CLINT1: variants seen among roughly 807,000 people sequenced by gnomAD.
CLINT1 encodes the protein clathrin interacting protein localized in the trans-Golgi region.
In CLINT1, 15 loss-of-function variants were observed where a neutral mutation model predicts 70.4. The observed-to-expected ratio is 0.21, with a 90% CI of 0.14 to 0.33. CLINT1 has a LOEUF of 0.33. CLINT1 is among the 10% of genes least tolerant of loss of function. The pLI is 1.00. For missense variants in CLINT1, 615 were observed against 778.1 expected (o/e 0.79, Z 2.49); for synonymous variants, 227 against 254.7 (o/e 0.89, Z 1.04).
In CLINT1 at chr5:157,793,536, A is replaced by G. The variant is rs376136566; in HGVS notation, c.1087+1362T>C. Among the ~76,000 whole-genome samples the G allele has an allele frequency of 4.6e-5, 7 of 152,182 alleles. No individual in the cohort carries two copies. The East Asian group carries it at 1.3e-3, about 29-fold the overall frequency. ...ATTAATCACATGCATACAGATGAAG[A>G]GATGTATCACTTAGGCAACATTAAC... On this transcript the variant is annotated intron_variant, in intron 9 of 11. Transcript: ENST00000411809.
At chr5:157,848,733 C>T (rs537646403) in intron 1 of CLINT1, among the ~76,000 whole-genome samples, 50 of 152,306 alleles carry the variant, frequency 3.3e-4, no homozygotes, top group Non-Finnish European at 6.5e-4. Context: ...GCAATCTTGG[C>T]TCACCGCAAC....
rs756224382 is a variant in CLINT1 at position 157,791,984 on chromosome 5, T to G, written c.1099A>C (p.Ser367Arg). The G allele has an allele frequency of 6.2e-7, 1 of 1,612,942 alleles. No homozygotes were observed. The highest frequency in any genetic ancestry group is 2.2e-5 in the East Asian group (1 of 44,878). The change falls in exon 10 of 12, where the codon AGT becomes CGT. Residue 367 changes from serine to arginine, a missense_variant. Ser to Arg is a moderately radical substitution (Grantham distance 110). Coordinates refer to ENST00000411809, the MANE Select transcript of CLINT1 (RefSeq NM_014666.4). ...CAGTCACCAAAGTCTCCATTCCCAC[T>G]TGTTGCTGTTACTAAGACAGAAATA... is the stretch of plus-strand genomic sequence containing the variant. ...GSFPSQVTATSGNGDFGDWSA... is the reference protein window; with the variant it reads ...GSFPSQVTATRGNGDFGDWSA...
chr5:157,811,205 G>A (rs979848778), intron 5 of CLINT1, among the ~76,000 whole-genome samples: 2 of 152,174 alleles, frequency 1.3e-5, no homozygotes, highest in Admixed American at 1.3e-4. Flanking sequence ...TACTGCTAAA[G>A]ATACTGGATA....
chr5:157,806,286 C>T (rs568666442), intron 6 of CLINT1, among the ~76,000 whole-genome samples, 174 bp from the exon 7 acceptor site: 96 of 151,960 alleles, frequency 6.3e-4, no homozygotes, highest in East Asian at 1.5e-3. Context: ...GATATATGTG[C>T]GCTGGGGAGG....
chr5:157,834,321 C>T (rs746905460), intron 1 of CLINT1, among the ~76,000 whole-genome samples: 3 of 151,820 alleles, frequency 2.0e-5, no homozygotes, highest in Non-Finnish European at 2.9e-5. Context: ...GCCGAGACTG[C>T]GCCACTGCGC....
intron 10 of CLINT1, 157 bp from the exon 11 acceptor site, chr5:157,789,670 C>T: frequency 1.1e-6 from 1 of 917,582 alleles, no homozygotes; most frequent in Non-Finnish European, 1.7e-6. Context: ...AAAAGAACCA[C>T]TAATGTTCTA....
intron 10 of CLINT1, 36 bp downstream of exon 10, chr5:157,791,667 A>G: frequency 6.4e-7 from 1 of 1,558,320 alleles, no homozygotes. Context: ...CTCAAAGATT[A>G]TAAATAACAA....
At chr5:157,796,887 CAT>C (rs71665669) in intron 8 of CLINT1, among the ~76,000 whole-genome samples, 23,937 of 147,490 alleles carry the variant, frequency 0.16, 1,901 homozygotes, top group Non-Finnish European at 0.19. Flanking sequence ...CTCATACATA[CAT>C]ATATATATAT....
intron 1 of CLINT1, among the ~76,000 whole-genome samples, chr5:157,829,791 C>G (rs1402397731): frequency 6.9e-6 from 1 of 145,644 alleles, no homozygotes; most frequent in Non-Finnish European, 1.5e-5. Flanking sequence ...ATCTGCCCAC[C>G]TCAGCCCTCC....
chr5:157,829,373 A>C (rs552562172), intron 1 of CLINT1, among the ~76,000 whole-genome samples: 1 of 152,314 alleles, frequency 6.6e-6, no homozygotes, highest in South Asian at 2.1e-4. Flanking sequence ...TGTTTTGTGA[A>C]AAATACTTTG....
In CLINT1 at chr5:157,791,948, T is replaced by G; in HGVS notation, c.1135A>C (p.Asn379His). ...GCAACAGGGCCTGATGGGGCTTGGT[T>G]GAAGGCACTCCAGTCACCAAAGTCT... The part of the protein sequence containing the change: ...NGDFGDWSAF[N>H]QAPSGPVASS... Residue 379 changes from asparagine to histidine, a missense_variant, in exon 10 of 12, where the codon AAC becomes CAC. By Grantham distance (68) the Asn-to-His change is moderately conservative. Transcript: ENST00000411809. 1 of 1,613,956 alleles carries G rather than the reference T, an allele frequency of 6.2e-7. No individual in the cohort carries two copies. The highest frequency in any genetic ancestry group is 8.5e-7 in the Non-Finnish European group (1 of 1,179,868).
At chr5:157,845,106 T>C (rs1447973986) in intron 1 of CLINT1, among the ~76,000 whole-genome samples, 1 of 152,178 alleles carries the variant, frequency 6.6e-6, no homozygotes, top group Non-Finnish European at 1.5e-5. Context: ...CCCAGCACTT[T>C]GGGAGGCCAA....
intron 1 of CLINT1, among the ~76,000 whole-genome samples, chr5:157,840,328 T>G (rs1413339551): frequency 1.3e-5 from 2 of 151,092 alleles, no homozygotes; most frequent in East Asian, 3.9e-4. Context: ...AAGAAACTCT[T>G]CATTAAAAGA....
intron 7 of CLINT1, among the ~76,000 whole-genome samples, chr5:157,805,159 C>A (rs1229334298): frequency 6.6e-6 from 1 of 152,208 alleles, no homozygotes; most frequent in Non-Finnish European, 1.5e-5. Flanking sequence ...CTACAATCTG[C>A]TGCATACATT....
intron 8 of CLINT1, among the ~76,000 whole-genome samples, chr5:157,798,956 G>A (rs886292087): frequency 3.9e-5 from 6 of 151,948 alleles, no homozygotes; most frequent in Non-Finnish European, 5.9e-5. Flanking sequence ...GAGATCTTAG[G>A]TGAAAAGCAG....
chr5:157,789,670 C>A, intron 10 of CLINT1, 157 bp from the exon 11 acceptor site: 1 of 917,582 alleles, frequency 1.1e-6, no homozygotes, highest in Non-Finnish European at 1.7e-6. Flanking sequence ...AAAAGAACCA[C>A]TAATGTTCTA....
intron 1 of CLINT1, among the ~76,000 whole-genome samples, chr5:157,820,833 G>A (rs997029833): frequency 2.6e-5 from 4 of 152,128 alleles, no homozygotes; most frequent in African/African-American, 9.7e-5. Context: ...ATATATCACA[G>A]ACGCTAGAGG....
At chr5:157,812,043 A>C (rs1762579411) in intron 5 of CLINT1, among the ~76,000 whole-genome samples, 1 of 152,200 alleles carries the variant, frequency 6.6e-6, no homozygotes, top group South Asian at 2.1e-4. Flanking sequence ...AAAAAGAAAA[A>C]ACTAACTTGT....
chr5:157,849,112 AAAG>A (rs1347634168), intron 1 of CLINT1, among the ~76,000 whole-genome samples: 2 of 152,238 alleles, frequency 1.3e-5, no homozygotes, highest in Admixed American at 6.5e-5. Context: ...TCCAATTATA[AAAG>A]AAGTTCTACT....
Sources: allele counts gnomAD v4.1 joint callset (sites outside exome capture counted in the v4.1 genomes callset), GRCh38; gene constraint gnomAD v4.1.1; transcripts MANE v1.5; gene names NCBI Gene and HGNC (gene_info 2026-07-23, HGNC 2026-07-21).